Variants in RTL9 observed in about 807,000 individuals in gnomAD.
The protein encoded by RTL9 is retrotransposon Gag-like protein 9.
In RTL9, 19 loss-of-function variants were observed where a neutral mutation model predicts 44.7. The ratio of observed to expected loss-of-function variants is 0.42; its 90% CI spans 0.30 to 0.62. RTL9 has a LOEUF of 0.62. Among genes scored for constraint, RTL9 ranks in the 20% least tolerant of loss-of-function variants. The probability of loss-of-function intolerance (pLI) is 0.16; values close to 1 mark genes in which losing one functional copy is unlikely to be tolerated. For synonymous variants in RTL9, 407 were observed against 398.9 expected, an observed-to-expected ratio of 1.02 and a Z score of -0.24; for missense variants, 1,105 against 1,080.6, an observed-to-expected ratio of 1.02 and a Z score of -0.32.
chrX:110,365,842 C>G (rs2068293746), intron 1 of RTL9, among the ~76,000 whole-genome samples: 1 of 111,949 alleles, frequency 8.9e-6, no homozygotes, highest in South Asian at 3.7e-4. Flanking sequence ...AGCATAGTGC[C>G]TGACACAAGG....
rs768410262 is a variant in RTL9, at chrX:110,370,978, T to C, written c.-168+12062T>C. Among the ~76,000 whole-genome samples the C allele has an allele frequency of 2.7e-5, 3 of 112,281 alleles. No homozygotes were observed. The East Asian group carries it at 8.4e-4, about 31-fold the overall frequency. On this transcript the variant is annotated intron_variant, in intron 1 of 2. Transcript: ENST00000520821. The stretch of plus-strand genomic sequence containing the variant: ...TGACAATTTAATCAAACTAAGGTAG[T>C]GCCTGCATCTCAAATACCCCTTAAG...
intron 1 of RTL9, among the ~76,000 whole-genome samples, chrX:110,441,130 G>A (rs1250910478): frequency 8.9e-6 from 1 of 112,175 alleles, no homozygotes; most frequent in Non-Finnish European, 1.9e-5. Context: ...GTCTTTTGCT[G>A]TATGAATTTG....
rs753545139 is a variant in RTL9 at position 110,452,757 on chromosome X, G to A, written c.2140G>A (p.Val714Met). 33 of 1,209,177 alleles carry A rather than the reference G, an allele frequency of 2.7e-5. No homozygotes were observed. The highest frequency in any genetic ancestry group is 3.7e-5 in the Non-Finnish European group (33 of 894,955). The change falls in exon 1 of 2, where the codon GTG becomes ATG. Residue 714 changes from valine (V) to methionine (M), a missense_variant. Val to Met is a conservative substitution (Grantham distance 21, BLOSUM62 1). Transcript: ENST00000540313. ...GCCTGCCTCACTAATGAGAGCCAAAGTGTCTGGAAAGATGCTCAGTCAGCC... is the reference window on the plus strand; with the variant it reads ...GCCTGCCTCACTAATGAGAGCCAAAATGTCTGGAAAGATGCTCAGTCAGCC...
upstream of RTL9, among the ~76,000 whole-genome samples, chrX:110,449,720 G>T (rs758374930): frequency 2.7e-5 from 3 of 112,663 alleles, no homozygotes; most frequent in Admixed American, 9.3e-5. Context: ...ACCCCCAGGA[G>T]GGGGTCAGAG....
At chrX:110,440,306 G>A (rs190663443) in intron 1 of RTL9, 9 of 112,323 alleles carry the variant, frequency 8.0e-5, no homozygotes, top group South Asian at 7.5e-4. Context: ...TGTTCCTGGC[G>A]TATTCCAAAA....
At chrX:110,439,348 A>G (rs2068862908) in intron 1 of RTL9, among the ~76,000 whole-genome samples, 1 of 112,340 alleles carries the variant, frequency 8.9e-6, no homozygotes, top group Admixed American at 9.4e-5. Flanking sequence ...GATAGCGTGG[A>G]GCCTCCCCAT....
chrX:110,364,698 C>T, intron 1 of RTL9, among the ~76,000 whole-genome samples: 1 of 111,387 alleles, frequency 9.0e-6, no homozygotes, highest in Non-Finnish European at 1.9e-5. Context: ...TGAATAGGAC[C>T]AAGGTCCATT....
chrX:110,376,328 C>T (rs2068376282), intron 1 of RTL9, among the ~76,000 whole-genome samples: 1 of 110,687 alleles, frequency 9.0e-6, no homozygotes, highest in East Asian at 2.9e-4. Context: ...GGAAGCTGGT[C>T]TTGGCTGGTA....
intron 1 of RTL9, among the ~76,000 whole-genome samples, chrX:110,411,127 G>A (rs1169399540): frequency 8.9e-6 from 1 of 111,886 alleles, no homozygotes; most frequent in East Asian, 2.8e-4. Context: ...GAAGTCAGGG[G>A]GCCTATTGGA....
At chrX:110,361,380 C>T (rs772131901) in intron 1 of RTL9, among the ~76,000 whole-genome samples, 1 of 111,580 alleles carries the variant, frequency 9.0e-6, no homozygotes, top group African/African-American at 3.3e-5. Flanking sequence ...GCACTAGCCT[C>T]TCAACTGTTC....
chrX:110,404,631 C>T (rs1278256056), intron 1 of RTL9, among the ~76,000 whole-genome samples: 1 of 111,790 alleles, frequency 8.9e-6, no homozygotes, highest in Non-Finnish European at 1.9e-5. Context: ...GTACCTCAGC[C>T]TATTATTTTT....
intron 1 of RTL9, among the ~76,000 whole-genome samples, chrX:110,375,980 C>T (rs1276791931): frequency 9.0e-6 from 1 of 110,931 alleles, no homozygotes; most frequent in Admixed American, 9.6e-5. Flanking sequence ...CCTGTCTGTC[C>T]TTAAAAAAAT....
At chrX:110,407,308 C>G (rs1399706791) in intron 1 of RTL9, among the ~76,000 whole-genome samples, 6 of 112,018 alleles carry the variant, frequency 5.4e-5, no homozygotes, top group Non-Finnish European at 7.5e-5. Flanking sequence ...CTTGGTATTT[C>G]TCACTGTTGG....
chrX:110,450,839 G>A (rs1569433045), exon 1 of RTL9: 1 of 1,211,487 alleles, frequency 8.3e-7, no homozygotes, highest in South Asian at 1.8e-5. Context: ...TTGACACCAT[G>A]TCTGCACCTC....
chrX:110,402,365 G>A (rs886842342), intron 1 of RTL9, among the ~76,000 whole-genome samples: 1 of 113,054 alleles, frequency 8.8e-6, no homozygotes, highest in African/African-American at 3.2e-5. Flanking sequence ...TGTCTGTCAG[G>A]GTTGCCTTGG....
rs1312344260 is a variant in RTL9 at position 110,420,183 on chromosome X, G to A, written c.-168+1048G>A. ...ATTCTACTACAGCACTGGCCACATT[G>A]CAGAACAGGGGTTTGTTTACTTGTC... On this transcript the variant is annotated intron_variant, in intron 1 of 3. Transcript: ENST00000465301. Among the ~76,000 whole-genome samples, 21 of 111,851 alleles carry A rather than the reference G, an allele frequency of 1.9e-4. No homozygotes were observed. In the Admixed American group the frequency reaches 2.0e-3, roughly 11 times the overall value.
At chrX:110,378,916 A>T (rs2068398071) in intron 1 of RTL9, among the ~76,000 whole-genome samples, 1 of 107,019 alleles carries the variant, frequency 9.3e-6, no homozygotes, top group Admixed American at 9.8e-5. Flanking sequence ...CCTGCTGGAC[A>T]CCCGTCCACC....
chrX:110,364,650 A>G (rs2068285203), intron 1 of RTL9, among the ~76,000 whole-genome samples: 1 of 111,808 alleles, frequency 8.9e-6, no homozygotes, highest in African/African-American at 3.3e-5. Context: ...AATGGAAAAA[A>G]TTGAGTTTTG....
intron 1 of RTL9, among the ~76,000 whole-genome samples, chrX:110,413,777 C>T (rs530881600): frequency 9.0e-6 from 1 of 111,211 alleles, no homozygotes; most frequent in African/African-American, 3.3e-5. Flanking sequence ...TCTTCCATCC[C>T]ATCAGCCCCT....
Sources: allele counts gnomAD v4.1 joint callset (sites outside exome capture counted in the v4.1 genomes callset), GRCh38; gene constraint gnomAD v4.1.1; transcripts MANE v1.5; gene names NCBI Gene and HGNC (gene_info 2026-07-23, HGNC 2026-07-21).